Variants in RAD51B observed in about 807,000 individuals in gnomAD.
RAD51B encodes RAD51 paralog B.
RAD51B carries 38 observed loss-of-function variants against 42.2 expected under a neutral mutation model. The observed-to-expected ratio is 0.90, with a 90% CI of 0.70 to 1.18. RAD51B has a LOEUF of 1.18. Among genes scored for constraint, RAD51B ranks in the 50% most tolerant of loss-of-function variants. The pLI is 0.00. For synonymous variants in RAD51B, 154 were observed against 145.2 expected (o/e 1.06, Z -0.43); for missense variants, 373 against 400.7 (o/e 0.93, Z 0.59).
At chr14:68,108,275 AC>A (rs1162075740) in intron 7 of RAD51B, among the ~76,000 whole-genome samples, 1 of 151,928 alleles carries the variant, frequency 6.6e-6, no homozygotes, top group African/African-American at 2.4e-5. Flanking sequence ...CTAGGTATAT[AC>A]CCAAGAGAAC....
chr14:68,101,471 C>T (rs1228754718), intron 7 of RAD51B, among the ~76,000 whole-genome samples: 2 of 152,218 alleles, frequency 1.3e-5, no homozygotes, highest in African/African-American at 4.8e-5. Context: ...GGTAAATACA[C>T]CCATTCCAGA....
chr14:68,494,019 T>C (rs528410481), intron 10 of RAD51B, among the ~76,000 whole-genome samples: 1 of 152,168 alleles, frequency 6.6e-6, no homozygotes, highest in Non-Finnish European at 1.5e-5. Flanking sequence ...CTCATGCCTG[T>C]AATCCCAGCA....
intron 7 of RAD51B, among the ~76,000 whole-genome samples, chr14:68,063,732 C>G (rs1051998073): frequency 5.9e-5 from 9 of 152,106 alleles, no homozygotes; most frequent in African/African-American, 2.2e-4. Context: ...GAGACTCCAT[C>G]TCAAAAAGAT....
intron 7 of RAD51B, among the ~76,000 whole-genome samples, chr14:68,285,150 A>C (rs2139640010): frequency 6.6e-6 from 1 of 152,314 alleles, no homozygotes; most frequent in East Asian, 1.9e-4. Context: ...AACCTTAGTG[A>C]TGAAAGGACT....
In RAD51B at chr14:67,847,243, G is replaced by A. The variant is rs117748001; in HGVS notation, c.315+12047G>A. Among the ~76,000 whole-genome samples, 434 of 151,652 alleles carry A rather than the reference G, an allele frequency of 2.9e-3. 12 individuals carry two copies. In the East Asian group the frequency reaches 0.073, roughly 26 times the overall value. On this transcript the variant is annotated intron_variant, in intron 4 of 10. Transcript: ENST00000471583. ...GGTGGCATGTGTTCCTCCTGGCTGCGTCTAGTTGGCCATCTTGCCCCAGGG... is the reference window on the plus strand; with the variant it reads ...GGTGGCATGTGTTCCTCCTGGCTGCATCTAGTTGGCCATCTTGCCCCAGGG...
intron 10 of RAD51B, among the ~76,000 whole-genome samples, chr14:68,590,829 C>A (rs1890706667): frequency 6.6e-6 from 1 of 152,152 alleles, no homozygotes; most frequent in Non-Finnish European, 1.5e-5. Context: ...CATGATCCAC[C>A]CAATGCTGAC....
intron 9 of RAD51B, among the ~76,000 whole-genome samples, chr14:68,433,763 C>T (rs555814895): frequency 2.0e-5 from 3 of 152,348 alleles, no homozygotes; most frequent in East Asian, 1.9e-4. Flanking sequence ...GGTCATTCTC[C>T]GTCCAGCTTT....
At chr14:68,651,379 C>T (rs2140138822) in intron 11 of RAD51B, among the ~76,000 whole-genome samples, 1 of 152,178 alleles carries the variant, frequency 6.6e-6, no homozygotes, top group African/African-American at 2.4e-5. Flanking sequence ...TGCCGTGTTG[C>T]CCAGGGTGGT....
rs117299660 is a variant in RAD51B, at chr14:67,832,017, A to T, written c.199-3063A>T. Reference sequence around the variant, plus strand: ...TATAGAAAAAAATGTCTACGTAAGGATGCCGACTGAAATATTTCTTATATC... The same window carrying T: ...TATAGAAAAAAATGTCTACGTAAGGTTGCCGACTGAAATATTTCTTATATC... On this transcript the variant is annotated intron_variant, in intron 3 of 10. Transcript: ENST00000471583. Among the ~76,000 whole-genome samples, 105 of 152,346 alleles carry T rather than the reference A, an allele frequency of 6.9e-4. 2 individuals are homozygous for T. The East Asian group carries it at 0.016, about 23-fold the overall frequency.
chr14:68,622,103 G>A (rs1199023305), intron 10 of RAD51B, among the ~76,000 whole-genome samples: 1 of 152,212 alleles, frequency 6.6e-6, no homozygotes, highest in Non-Finnish European at 1.5e-5. Flanking sequence ...CTGAGCTCCA[G>A]TTACCCTGTT....
intron 8 of RAD51B, among the ~76,000 whole-genome samples, chr14:68,350,381 T>A (rs1369733316): frequency 6.6e-6 from 1 of 152,236 alleles, no homozygotes; most frequent in African/African-American, 2.4e-5. Flanking sequence ...ACTTTCATGC[T>A]TACTTGGTAT....
chr14:68,076,341 A>G (rs1276585159), intron 7 of RAD51B, among the ~76,000 whole-genome samples: 2 of 152,210 alleles, frequency 1.3e-5, no homozygotes, highest in African/African-American at 4.8e-5. Context: ...AATTATCTTA[A>G]TATATACCTT....
chr14:67,893,963 T>C (rs1595072353), intron 7 of RAD51B, among the ~76,000 whole-genome samples: 3 of 152,330 alleles, frequency 2.0e-5, no homozygotes, highest in East Asian at 1.9e-4. Context: ...ATTGCCATCA[T>C]CTTGGTTCCT....
chr14:68,164,644 GGTT>G (rs1437180924), intron 7 of RAD51B, among the ~76,000 whole-genome samples: 1 of 152,152 alleles, frequency 6.6e-6, no homozygotes, highest in African/African-American at 2.4e-5. Context: ...TTTTCTGTTG[GGTT>G]GAAGTGGGAA....
chr14:68,061,782 T>A (rs1159200774), intron 7 of RAD51B, among the ~76,000 whole-genome samples: 1 of 152,242 alleles, frequency 6.6e-6, no homozygotes, highest in Non-Finnish European at 1.5e-5. Context: ...CTATTCATTC[T>A]AAGAGGTTTT....
intron 8 of RAD51B, among the ~76,000 whole-genome samples, chr14:68,306,437 AT>A (rs1051028800): frequency 1.3e-5 from 2 of 152,050 alleles, no homozygotes; most frequent in African/African-American, 2.4e-5. Context: ...GTAAGAAATC[AT>A]TTTTTTTCTC....
At chr14:68,536,967 G>A (rs1887658888) in intron 10 of RAD51B, among the ~76,000 whole-genome samples, 1 of 151,662 alleles carries the variant, frequency 6.6e-6, no homozygotes, top group Non-Finnish European at 1.5e-5. Context: ...TATAGTTCCT[G>A]CTACTCGGGA....
intron 7 of RAD51B, among the ~76,000 whole-genome samples, chr14:67,922,899 C>T (rs957707389): frequency 1.3e-5 from 2 of 152,054 alleles, no homozygotes; most frequent in Admixed American, 6.6e-5. Flanking sequence ...GCCATGTTGG[C>T]AGGCTGGTCT....
chr14:68,578,359 G>A (rs557132582), intron 10 of RAD51B, among the ~76,000 whole-genome samples: 26 of 152,164 alleles, frequency 1.7e-4, no homozygotes, highest in East Asian at 7.7e-4. Context: ...TGTAGTGAAC[G>A]GAGATTGCAC....
Sources: gnomAD v4.1 joint callset for allele counts (sites outside exome capture counted in the v4.1 genomes callset) on GRCh38, gnomAD v4.1.1 for gene constraint, MANE v1.5 for transcripts, NCBI Gene and HGNC (gene_info 2026-07-23, HGNC 2026-07-21) for gene names.